IQCM: variants seen among roughly 807,000 people sequenced by gnomAD.
IQCM encodes the protein IQ motif containing M, also known as IQ domain-containing protein M.
A neutral mutation model predicts 57.6 loss-of-function variants in IQCM; 45 were observed. That is an observed-to-expected ratio of 0.78 (90% confidence interval 0.62 to 1.00). The LOEUF is 1.00. IQCM is among the 50% of genes least tolerant of loss of function. The pLI is 0.00. For synonymous variants in IQCM, 148 were observed against 158.9 expected (o/e 0.93, Z 0.51); for missense variants, 468 against 511.6 (o/e 0.91, Z 0.82).
At chr4:149,414,391 A>T (rs561319390) in intron 13 of IQCM, among the ~76,000 whole-genome samples, 162 of 152,238 alleles carry the variant, frequency 1.1e-3, no homozygotes, top group African/African-American at 3.8e-3. Context: ...CAGTTTTTCT[A>T]TTATATAAGA....
chr4:149,707,359 TG>T lies in IQCM; in HGVS notation c.386-20892del, dbSNP rs796689613. Among the ~76,000 whole-genome samples, 41 of 152,178 alleles carry T rather than the reference TG, an allele frequency of 2.7e-4. 1 individual carries two copies. Among genetic ancestry groups the T allele is most frequent in the African/African-American group, 9.4e-4 (39 of 41,546 alleles). On this transcript the variant is annotated intron_variant, in intron 5 of 13. Coordinates refer to ENST00000636793, the MANE Select transcript of IQCM (RefSeq NM_001363507.2). Reference sequence around the variant, plus strand: ...AATATATGTGTATAGTTGTTATGCATGTTACAATAGACACATTGTTTATAAG... The same window carrying T: ...AATATATGTGTATAGTTGTTATGCATTTACAATAGACACATTGTTTATAAG...
intron 12 of IQCM, among the ~76,000 whole-genome samples, chr4:149,517,967 C>G (rs1332856492): frequency 6.6e-6 from 1 of 152,142 alleles, no homozygotes; most frequent in African/African-American, 2.4e-5. Flanking sequence ...ATACATGTAT[C>G]TATCCTATTA....
intron 2 of IQCM, among the ~76,000 whole-genome samples, chr4:149,780,546 T>TATATATAA (rs59087898): frequency 9.9e-5 from 15 of 150,968 alleles, no homozygotes; most frequent in Admixed American, 2.6e-4. Context: ...TATATATATA[T>TATATATAA]AAAACATATT....
At chr4:149,698,986 T>G (rs1378143689) in intron 5 of IQCM, among the ~76,000 whole-genome samples, 1 of 152,028 alleles carries the variant, frequency 6.6e-6, no homozygotes, top group African/African-American at 2.4e-5. Flanking sequence ...AAGTACTCAA[T>G]AAAATTAGTG....
At chr4:149,431,379 A>C (rs144908985) in intron 13 of IQCM, among the ~76,000 whole-genome samples, 10 of 152,086 alleles carry the variant, frequency 6.6e-5, no homozygotes, top group Admixed American at 2.6e-4. Flanking sequence ...ATATAATGAT[A>C]TCTCACTGTG....
chr4:149,593,817 A>G lies in IQCM; in HGVS notation c.682-5820T>C, dbSNP rs185767334. Among the ~76,000 whole-genome samples, 90 of 152,260 alleles carry G rather than the reference A, an allele frequency of 5.9e-4. 1 individual carries two copies. The highest frequency in any genetic ancestry group is 2.1e-3 in the African/African-American group (87 of 41,550). On this transcript the variant is annotated intron_variant, in intron 8 of 13. Transcript: ENST00000636793. Reference sequence around the variant, plus strand: ...TCCCAAGGATGAAGCCCAGTTGATCATGGTGGATAAGCTTTTTGATGTGCT... The same window carrying G: ...TCCCAAGGATGAAGCCCAGTTGATCGTGGTGGATAAGCTTTTTGATGTGCT...
chr4:149,416,151 C>A (rs1465603252), intron 13 of IQCM, among the ~76,000 whole-genome samples: 1 of 152,104 alleles, frequency 6.6e-6, no homozygotes, highest in African/African-American at 2.4e-5. Flanking sequence ...CCAACCCAGA[C>A]AGATTTTTCT....
At chr4:149,637,837 T>C (rs979220665) in intron 7 of IQCM, among the ~76,000 whole-genome samples, 1 of 152,190 alleles carries the variant, frequency 6.6e-6, no homozygotes, top group Non-Finnish European at 1.5e-5. Flanking sequence ...AGGTGGCTCA[T>C]AGGTCAAAAT....
intron 12 of IQCM, among the ~76,000 whole-genome samples, chr4:149,522,922 C>T (rs1745800234): frequency 6.6e-6 from 1 of 152,088 alleles, no homozygotes; most frequent in Admixed American, 6.5e-5. Flanking sequence ...GTACATGATT[C>T]CAGACTGAAA....
At chr4:149,554,873 G>A (rs1749417375) in intron 10 of IQCM, among the ~76,000 whole-genome samples, 1 of 148,146 alleles carries the variant, frequency 6.8e-6, no homozygotes, top group South Asian at 2.2e-4. Flanking sequence ...CTAATTTTTT[G>A]TGTTTTTAGT....
intron 2 of IQCM, among the ~76,000 whole-genome samples, chr4:149,793,220 A>G (rs1410768633): frequency 1.3e-5 from 2 of 152,194 alleles, no homozygotes; most frequent in Non-Finnish European, 2.9e-5. Flanking sequence ...CCCAAGATCT[A>G]GAGAAATTCA....
chr4:149,620,151 C>T (rs557632758), intron 8 of IQCM, among the ~76,000 whole-genome samples: 7 of 147,322 alleles, frequency 4.8e-5, no homozygotes, highest in African/African-American at 1.2e-4. Flanking sequence ...AGAGAGACTC[C>T]GTCTCAAAAA....
chr4:149,544,351 A>T (rs1295260889), intron 12 of IQCM, among the ~76,000 whole-genome samples: 1 of 152,206 alleles, frequency 6.6e-6, no homozygotes, highest in Non-Finnish European at 1.5e-5. Context: ...TAATAAATTT[A>T]ACCCAAGAGG....
At chr4:149,367,276 G>A (rs1281164469) in intron 13 of IQCM, among the ~76,000 whole-genome samples, 1 of 151,890 alleles carries the variant, frequency 6.6e-6, no homozygotes, top group East Asian at 1.9e-4. Flanking sequence ...TTATATGTAT[G>A]CCCTGTATAC....
At chr4:149,483,795 T>C (rs1184032477) in intron 12 of IQCM, among the ~76,000 whole-genome samples, 5 of 151,966 alleles carry the variant, frequency 3.3e-5, no homozygotes, top group African/African-American at 1.2e-4. Context: ...TTTTTTTCTA[T>C]AGTGCAAATC....
chr4:149,553,127 T>C lies in IQCM; in HGVS notation c.1093+16A>G, dbSNP rs913673175. 2.4e-6 allele frequency: 3 copies of C among 1,231,494 alleles called. No individual in the cohort carries two copies. The African/African-American group carries it at 4.7e-5, about 19-fold the overall frequency. The allele number at this position is 1,231,494 out of a possible 1,614,324, so 76.3% of individuals were successfully genotyped here. On this transcript the variant is annotated intron_variant, in intron 11 of 13. Transcript: ENST00000636793. ...TCCAAACTTAAATTCAAACCAGAAG[T>C]GTCTGCATCACTTACATTTTTTTCG...
chr4:149,669,802 T>A (rs893939543), intron 7 of IQCM, among the ~76,000 whole-genome samples: 2 of 152,136 alleles, frequency 1.3e-5, no homozygotes, highest in Non-Finnish European at 2.9e-5. Context: ...TGTGGTATTA[T>A]TTCTGAGGGC....
At chr4:149,814,409 C>A (rs1434555915) in intron 2 of IQCM, among the ~76,000 whole-genome samples, 2 of 151,874 alleles carry the variant, frequency 1.3e-5, no homozygotes, top group Non-Finnish European at 2.9e-5. Flanking sequence ...TCTCTTACCA[C>A]CAGAATTATT....
intron 2 of IQCM, among the ~76,000 whole-genome samples, chr4:149,743,447 G>A (rs1314552219): frequency 6.6e-6 from 1 of 151,816 alleles, no homozygotes; most frequent in Non-Finnish European, 1.5e-5. Flanking sequence ...CAGAGTGATC[G>A]ATATATACTA....
Sources: allele counts gnomAD v4.1 joint callset (sites outside exome capture counted in the v4.1 genomes callset), GRCh38; gene constraint gnomAD v4.1.1; transcripts MANE v1.5; gene names NCBI Gene and HGNC (gene_info 2026-07-23, HGNC 2026-07-21).